Variants in EDIL3 observed in about 807,000 individuals in gnomAD.
EDIL3 encodes the protein EGF like and discoidin domains 3.
EDIL3 carries 37 observed loss-of-function variants against 67.4 expected under a neutral mutation model. The ratio of observed to expected loss-of-function variants is 0.55; its 90% CI spans 0.42 to 0.72. The LOEUF is 0.72. Among genes scored for constraint, EDIL3 ranks in the 30% least tolerant of loss-of-function variants. EDIL3 has a pLI of 0.00. For missense variants in EDIL3, 527 were observed against 586.3 expected (o/e 0.90, Z 1.04); for synonymous variants, 195 against 196.3 (o/e 0.99, Z 0.05).
chr5:84,116,101 A>T (rs1452169478), intron 5 of EDIL3, among the ~76,000 whole-genome samples: 1 of 148,024 alleles, frequency 6.8e-6, no homozygotes. Flanking sequence ...AGCTATATCT[A>T]GTTATTTTGT....
At chr5:84,150,156 A>T (rs1325210389) in intron 4 of EDIL3, among the ~76,000 whole-genome samples, 2 of 152,210 alleles carry the variant, frequency 1.3e-5, no homozygotes, top group Admixed American at 6.5e-5. Flanking sequence ...AGACATCAAA[A>T]TTATTCTGTA....
intron 1 of EDIL3, among the ~76,000 whole-genome samples, chr5:84,291,155 G>T (rs532407699): frequency 6.6e-6 from 1 of 152,198 alleles, no homozygotes; most frequent in Non-Finnish European, 1.5e-5. Flanking sequence ...TTGTCAAATT[G>T]AACCAAACTA....
chr5:84,073,407 G>T (rs1185857916), intron 6 of EDIL3, among the ~76,000 whole-genome samples: 1 of 152,192 alleles, frequency 6.6e-6, no homozygotes, highest in Non-Finnish European at 1.5e-5. Context: ...AAGTCAAATT[G>T]TCCCTGTTTG....
intron 4 of EDIL3, among the ~76,000 whole-genome samples, chr5:84,171,637 A>T (rs752594150): frequency 6.6e-6 from 1 of 152,224 alleles, no homozygotes; most frequent in Non-Finnish European, 1.5e-5. Context: ...AGGTTGTGCG[A>T]TTACACATTC....
At chr5:83,990,675 G>A (rs1315855905) in intron 9 of EDIL3, among the ~76,000 whole-genome samples, 3 of 151,840 alleles carry the variant, frequency 2.0e-5, no homozygotes, top group African/African-American at 7.3e-5. Flanking sequence ...GAGGTCAGGA[G>A]TTCGAGACCA....
At chr5:84,364,758 C>T (rs1047759470) in intron 1 of EDIL3, among the ~76,000 whole-genome samples, 2 of 151,896 alleles carry the variant, frequency 1.3e-5, no homozygotes, top group Non-Finnish European at 2.9e-5. Flanking sequence ...TGGAATCCTG[C>T]AACAGGTTAA....
chr5:84,012,735 G>A (rs973307049), intron 9 of EDIL3, among the ~76,000 whole-genome samples: 1 of 151,910 alleles, frequency 6.6e-6, no homozygotes, highest in Non-Finnish European at 1.5e-5. Flanking sequence ...ATTCTCCATA[G>A]GTTAAGACAT....
At chr5:84,179,176 T>A (rs181293070) in intron 4 of EDIL3, among the ~76,000 whole-genome samples, 93 of 152,194 alleles carry the variant, frequency 6.1e-4, no homozygotes, top group African/African-American at 1.9e-3. Context: ...TAAGTGAACA[T>A]CAAGGCTCCT....
intron 4 of EDIL3, among the ~76,000 whole-genome samples, chr5:84,174,884 G>A (rs1048427859): frequency 4.7e-4 from 71 of 152,102 alleles, no homozygotes; most frequent in African/African-American, 1.6e-3. Context: ...TGCATACCTG[G>A]CCCTGGGGAA....
intron 9 of EDIL3, among the ~76,000 whole-genome samples, chr5:84,009,084 T>C (rs7713220): frequency 1.5e-4 from 23 of 152,332 alleles, no homozygotes; most frequent in African/African-American, 4.8e-4. Context: ...AGTGCTGGGA[T>C]TACAGGCGTG....
At chr5:84,224,778 T>C (rs183466807) in intron 3 of EDIL3, among the ~76,000 whole-genome samples, 24 of 151,640 alleles carry the variant, frequency 1.6e-4, no homozygotes, top group African/African-American at 5.8e-4. Flanking sequence ...GAGACTATAA[T>C]AGTTTATATT....
At chr5:84,118,498 C>T (rs1465667585) in intron 5 of EDIL3, among the ~76,000 whole-genome samples, 1 of 152,142 alleles carries the variant, frequency 6.6e-6, no homozygotes, top group Non-Finnish European at 1.5e-5. Flanking sequence ...ATACATAAAG[C>T]ACCTCATTGA....
chr5:84,289,256 A>G (rs1745868498), intron 1 of EDIL3, among the ~76,000 whole-genome samples: 2 of 152,154 alleles, frequency 1.3e-5, no homozygotes, highest in Non-Finnish European at 2.9e-5. Context: ...ATCTAAATAA[A>G]CTTACTTAAA....
chr5:84,309,388 A>G (rs902227612), intron 1 of EDIL3, among the ~76,000 whole-genome samples: 7 of 149,516 alleles, frequency 4.7e-5, no homozygotes, highest in African/African-American at 1.7e-4. Context: ...CATGTGCACA[A>G]TATGCCAGTT....
chr5:84,091,684 A>G (rs1747168704), intron 6 of EDIL3, among the ~76,000 whole-genome samples: 1 of 152,202 alleles, frequency 6.6e-6, no homozygotes, highest in South Asian at 2.1e-4. Context: ...TTCCCAGAAG[A>G]TAAACATGAA....
At chr5:83,979,312 T>G (rs187397269) in intron 9 of EDIL3, among the ~76,000 whole-genome samples, 50 of 152,248 alleles carry the variant, frequency 3.3e-4, no homozygotes, top group Middle Eastern at 3.4e-3. Context: ...GCACTGCTGA[T>G]GAAAATCCAA....
At chr5:84,092,461 A>G (rs1263476670) in intron 6 of EDIL3, among the ~76,000 whole-genome samples, 3 of 152,178 alleles carry the variant, frequency 2.0e-5, no homozygotes, top group African/African-American at 4.8e-5. Flanking sequence ...TGAATTGTCT[A>G]CTGAGAGTCT....
intron 1 of EDIL3, among the ~76,000 whole-genome samples, chr5:84,342,770 G>A (rs957927037): frequency 2.0e-5 from 3 of 151,948 alleles, no homozygotes; most frequent in African/African-American, 7.2e-5. Flanking sequence ...AACTGAATAA[G>A]TGTTTGTTTC....
chr5:84,128,434 C>T (rs1747904295), intron 5 of EDIL3, among the ~76,000 whole-genome samples: 1 of 151,982 alleles, frequency 6.6e-6, no homozygotes, highest in African/African-American at 2.4e-5. Context: ...AAAATTTCAC[C>T]TAAGTACCCA....
Sources: gnomAD v4.1 joint callset for allele counts (sites outside exome capture counted in the v4.1 genomes callset) on GRCh38, gnomAD v4.1.1 for gene constraint, MANE v1.5 for transcripts, NCBI Gene and HGNC (gene_info 2026-07-23, HGNC 2026-07-21) for gene names.